LY86: variants seen among roughly 807,000 people sequenced by gnomAD.
LY86 encodes the protein MD-1, RP105-associated.
Under a neutral mutation model 17.3 loss-of-function variants are expected in LY86, and 20 were observed. The observed-to-expected ratio is 1.15, with a 90% CI of 0.81 to 1.68. The LOEUF (loss-of-function observed/expected upper bound fraction) is 1.68. LY86 is among the 40% of genes most tolerant of loss of function. LY86 has a pLI of 0.00. For missense variants in LY86, 200 were observed against 191.9 expected (o/e 1.04, Z -0.25); for synonymous variants, 74 against 70.6 (o/e 1.05, Z -0.24).
intron 1 of LY86, among the ~76,000 whole-genome samples, chr6:6,599,581 G>A (rs1760833873): frequency 6.6e-6 from 1 of 152,206 alleles, no homozygotes; most frequent in Non-Finnish European, 1.5e-5. Context: ...TGAAGCATTG[G>A]GTTGCAGAGA....
chr6:6,610,414 C>G (rs1198190839), intron 1 of LY86, among the ~76,000 whole-genome samples: 1 of 152,218 alleles, frequency 6.6e-6, no homozygotes. Flanking sequence ...AGTGCAGGCC[C>G]TGAGCCCCCA....
At chr6:6,624,799 A>T in intron 1 of LY86, 127 bp from the exon 2 acceptor site, 1 of 586,390 alleles carries the variant, frequency 1.7e-6, no homozygotes, top group Admixed American at 3.5e-5. Context: ...TATTTTAAAA[A>T]GTGTTGGGCA....
At chr6:6,609,522 G>T (rs530466577) in intron 1 of LY86, among the ~76,000 whole-genome samples, 1 of 152,102 alleles carries the variant, frequency 6.6e-6, no homozygotes, top group East Asian at 1.9e-4. Context: ...TTCCTTCAAG[G>T]GCCTCTCAGT....
chr6:6,598,117 C>T (rs1287277785), intron 1 of LY86, among the ~76,000 whole-genome samples: 6 of 152,214 alleles, frequency 3.9e-5, no homozygotes, highest in African/African-American at 1.4e-4. Flanking sequence ...TTCAACACTA[C>T]TTACACAACT....
intron 1 of LY86, among the ~76,000 whole-genome samples, chr6:6,605,226 A>G (rs1475345362): frequency 6.6e-6 from 1 of 152,028 alleles, no homozygotes; most frequent in Non-Finnish European, 1.5e-5. Flanking sequence ...TCTGCATAAC[A>G]AATACCCTAA....
chr6:6,613,902 G>C (rs371167007), intron 1 of LY86, among the ~76,000 whole-genome samples: 25 of 152,372 alleles, frequency 1.6e-4, no homozygotes, highest in African/African-American at 5.0e-4. Flanking sequence ...AAAGAGCGAA[G>C]CAAGGTGTTG....
At chr6:6,603,914 CAG>C (rs946491587) in intron 1 of LY86, among the ~76,000 whole-genome samples, 3 of 151,848 alleles carry the variant, frequency 2.0e-5, no homozygotes, top group African/African-American at 4.8e-5. Context: ...TTAGGCAAAA[CAG>C]AAAACAAAAA....
chr6:6,649,553 C>A, intron 3 of LY86, 72 bp from the exon 4 acceptor site: 1 of 975,960 alleles, frequency 1.0e-6, no homozygotes, highest in Admixed American at 2.2e-5. Context: ...TCTGTGTAAC[C>A]ACAAATCATG....
intron 3 of LY86, among the ~76,000 whole-genome samples, chr6:6,631,301 C>G (rs775870455): frequency 3.3e-5 from 5 of 152,176 alleles, no homozygotes; most frequent in Non-Finnish European, 7.3e-5. Flanking sequence ...TTGAGTCTAA[C>G]TTACCCAAGG....
chr6:6,598,062 A>C (rs572406225), intron 1 of LY86, among the ~76,000 whole-genome samples: 1 of 152,362 alleles, frequency 6.6e-6, no homozygotes, highest in South Asian at 2.1e-4. Flanking sequence ...TTAGTGCTCA[A>C]TTTAGTCGTC....
intron 1 of LY86, among the ~76,000 whole-genome samples, chr6:6,590,118 T>TAAA (rs34637229): frequency 0.059 from 4,783 of 80,490 alleles, 250 homozygotes; most frequent in Non-Finnish European, 0.077. Flanking sequence ...AACTCTGTCT[T>TAAA]AAAAAAAAAA....
At chr6:6,593,569 C>A (rs576374592) in intron 1 of LY86, among the ~76,000 whole-genome samples, 6 of 152,252 alleles carry the variant, frequency 3.9e-5, no homozygotes, top group African/African-American at 9.6e-5. Flanking sequence ...TTAGCACATA[C>A]TGTGCACTCA....
rs748045396 is a variant in LY86, at chr6:6,654,544, G to A, written c.406G>A (p.Gly136Arg). 7 of 1,613,448 alleles carry A rather than the reference G, an allele frequency of 4.3e-6. No individual in the cohort carries two copies. In the South Asian group the frequency reaches 7.7e-5, roughly 18 times the overall value. ...AATACTTGACCTGTGCCCCTTGCAG[G>A]GAGAATACCAGGTTTTGCTGGAACT... ...VNNPEFTIPQ[G>R]EYQVLLELYT... The change falls in exon 5 of 5, where the codon GGA becomes AGA. Residue 136 changes from glycine to arginine, a missense_variant and splice_region_variant. Physicochemically the swap from Gly to Arg is moderately radical, Grantham distance 125. Coordinates refer to ENST00000230568, the MANE Select transcript of LY86 (RefSeq NM_004271.4).
chr6:6,647,631 A>G (rs549623408), intron 3 of LY86, among the ~76,000 whole-genome samples: 1 of 152,236 alleles, frequency 6.6e-6, no homozygotes, highest in East Asian at 1.9e-4. Context: ...TTTGAAAAAC[A>G]TTCACCTCCT....
chr6:6,623,233 T>C (rs1047038967), intron 1 of LY86, among the ~76,000 whole-genome samples: 3 of 152,044 alleles, frequency 2.0e-5, no homozygotes, highest in African/African-American at 7.3e-5. Context: ...GCAGAGGTTG[T>C]GGGGATTAGA....
At chr6:6,589,301 C>T (rs977484948) in intron 1 of LY86, among the ~76,000 whole-genome samples, 1 of 152,208 alleles carries the variant, frequency 6.6e-6, no homozygotes, top group Non-Finnish European at 1.5e-5. Flanking sequence ...GAAAAGATCA[C>T]TTCTGCCCAA....
intron 1 of LY86, among the ~76,000 whole-genome samples, chr6:6,617,169 G>A (rs552768484): frequency 6.6e-6 from 1 of 152,336 alleles, no homozygotes; most frequent in Non-Finnish European, 1.5e-5. Context: ...GATGCTTCTA[G>A]ACTTGAGGAA....
chr6:6,638,430 G>T (rs985372569), intron 3 of LY86, among the ~76,000 whole-genome samples: 1 of 152,076 alleles, frequency 6.6e-6, no homozygotes, highest in Non-Finnish European at 1.5e-5. Context: ...ATCTAGAATT[G>T]CACTGTCCAA....
chr6:6,608,190 A>G (rs1203207801), intron 1 of LY86, among the ~76,000 whole-genome samples: 1 of 152,246 alleles, frequency 6.6e-6, no homozygotes, highest in Non-Finnish European at 1.5e-5. Context: ...AGAAAAAGAA[A>G]ATGTTAAAGG....
Sources: gnomAD v4.1 joint callset for allele counts (sites outside exome capture counted in the v4.1 genomes callset) on GRCh38, gnomAD v4.1.1 for gene constraint, MANE v1.5 for transcripts, NCBI Gene and HGNC (gene_info 2026-07-23, HGNC 2026-07-21) for gene names.